The following EBF2 variants were observed in gnomAD, a reference collection of about 807,000 sequenced individuals.
The protein encoded by EBF2 is transcription factor COE2.
EBF2 carries 21 observed loss-of-function variants against 72.8 expected under a neutral mutation model. That is an observed-to-expected ratio of 0.29 (90% confidence interval 0.20 to 0.42). The LOEUF is 0.42. EBF2 is among the 10% of genes least tolerant of loss of function. The pLI, the probability that EBF2 is intolerant of heterozygous loss-of-function variation, is 1.00. For synonymous variants in EBF2, 299 were observed against 274.2 expected (o/e 1.09, Z -0.89); for missense variants, 637 against 731.2 (o/e 0.87, Z 1.49).
At chr8:25,914,194 C>T (rs1051524363) in intron 6 of EBF2, among the ~76,000 whole-genome samples, 1 of 152,188 alleles carries the variant, frequency 6.6e-6, no homozygotes, top group Non-Finnish European at 1.5e-5. Flanking sequence ...CACTCTGCTT[C>T]GTATGGTAAG....
chr8:25,992,213 G>A (rs145146622), intron 6 of EBF2, among the ~76,000 whole-genome samples: 351 of 150,548 alleles, frequency 2.3e-3, no homozygotes, highest in African/African-American at 7.7e-3. Flanking sequence ...GGTGGCAGGC[G>A]CCTGTAATGC....
chr8:25,952,111 A>C (rs1803873271), intron 6 of EBF2, among the ~76,000 whole-genome samples: 2 of 152,104 alleles, frequency 1.3e-5, no homozygotes, highest in African/African-American at 4.8e-5. Context: ...TGGGCAACAG[A>C]GTGAGACCGT....
At chr8:25,968,012 C>T (rs1006588332) in intron 6 of EBF2, among the ~76,000 whole-genome samples, 2 of 152,182 alleles carry the variant, frequency 1.3e-5, no homozygotes, top group African/African-American at 4.8e-5. Context: ...TATGCACTTA[C>T]AGTATGCAGC....
At chr8:26,005,518 A>AATATAATATATATTATAAT (rs1563206026) in intron 6 of EBF2, among the ~76,000 whole-genome samples, 5 of 10,510 alleles carry the variant, frequency 4.8e-4, no homozygotes, top group East Asian at 6.0e-3. Flanking sequence ...TATATTATAA[A>AATATAATATATATTATAAT]ATATATTATA....
At chr8:25,925,609 G>A (rs1803373044) in intron 6 of EBF2, among the ~76,000 whole-genome samples, 1 of 152,212 alleles carries the variant, frequency 6.6e-6, no homozygotes, top group Admixed American at 6.5e-5. Flanking sequence ...GTGTGTGCGT[G>A]CATGTGTGTC....
chr8:25,899,981 G>T (rs1325286483), intron 7 of EBF2, among the ~76,000 whole-genome samples: 1 of 152,106 alleles, frequency 6.6e-6, no homozygotes, highest in Non-Finnish European at 1.5e-5. Flanking sequence ...CTTTCTCACA[G>T]GCCTGGCAGA....
chr8:26,029,999 C>A (rs1222837373), intron 6 of EBF2, among the ~76,000 whole-genome samples: 64 of 152,184 alleles, frequency 4.2e-4, no homozygotes, highest in Admixed American at 4.2e-3. Context: ...GCAGCCTCCA[C>A]CTCCTGGGCC....
At chr8:25,877,243 C>A (rs2117279565) in intron 10 of EBF2, among the ~76,000 whole-genome samples, 2 of 152,344 alleles carry the variant, frequency 1.3e-5, no homozygotes, top group Middle Eastern at 6.8e-3. Context: ...CACTGTGGTT[C>A]TGTTGGGTGC....
chr8:25,961,493 G>A (rs1005168782), intron 6 of EBF2, among the ~76,000 whole-genome samples: 1 of 152,138 alleles, frequency 6.6e-6, no homozygotes, highest in African/African-American at 2.4e-5. Context: ...CTCCTGAGTA[G>A]GTGGGACTAC....
At chr8:25,977,800 C>T (rs1804293473) in intron 6 of EBF2, among the ~76,000 whole-genome samples, 1 of 152,086 alleles carries the variant, frequency 6.6e-6, no homozygotes, top group African/African-American at 2.4e-5. Flanking sequence ...TTCCTGGCTA[C>T]AGAAATATAA....
chr8:25,860,945 A>G (rs1309803962), intron 13 of EBF2, 104 bp downstream of exon 13: 9 of 1,241,934 alleles, frequency 7.2e-6, no homozygotes, highest in Non-Finnish European at 1.1e-5. Flanking sequence ...CTATCTGTGG[A>G]CACACTCTGT....
chr8:25,885,040 T>C (rs1224156834), intron 10 of EBF2, among the ~76,000 whole-genome samples: 1 of 152,186 alleles, frequency 6.6e-6, no homozygotes, highest in Non-Finnish European at 1.5e-5. Context: ...CAAAGTATAA[T>C]ACCTCATTGA....
chr8:25,870,535 G>T (rs952296187), intron 10 of EBF2, among the ~76,000 whole-genome samples: 1 of 152,162 alleles, frequency 6.6e-6, no homozygotes, highest in Non-Finnish European at 1.5e-5. Flanking sequence ...CCTTCCTGCT[G>T]CTCAGAGAGG....
intron 6 of EBF2, among the ~76,000 whole-genome samples, chr8:26,018,194 C>T (rs1030996617): frequency 6.6e-6 from 1 of 150,658 alleles, no homozygotes; most frequent in African/African-American, 2.4e-5. Context: ...AAGTTACTGA[C>T]AAGCACGCTG....
chr8:25,855,874 G>A (rs930871864), intron 14 of EBF2, among the ~76,000 whole-genome samples: 9 of 152,210 alleles, frequency 5.9e-5, no homozygotes, highest in African/African-American at 2.2e-4. Context: ...AATAGGTACA[G>A]GGAGGAGGTT....
chr8:26,025,785 C>A (rs1805294636), intron 6 of EBF2, among the ~76,000 whole-genome samples: 1 of 151,950 alleles, frequency 6.6e-6, no homozygotes, highest in Admixed American at 6.6e-5. Flanking sequence ...GGAATGAGAT[C>A]ATGAAAGAAT....
At chr8:25,943,330 A>AAAAGAAAG (rs1223677782) in intron 6 of EBF2, among the ~76,000 whole-genome samples, 452 of 144,888 alleles carry the variant, frequency 3.1e-3, no homozygotes, top group African/African-American at 0.012. Context: ...AAAAAAAAAA[A>AAAAGAAAG]AAAGAAAGAA....
intron 6 of EBF2, among the ~76,000 whole-genome samples, chr8:25,938,925 G>A (rs1803624660): frequency 6.6e-6 from 1 of 152,066 alleles, no homozygotes; most frequent in Non-Finnish European, 1.5e-5. Context: ...TTCACGTCAA[G>A]GAGTCAAGGA....
At chr8:25,876,554 C>G (rs534251853) in intron 10 of EBF2, among the ~76,000 whole-genome samples, 2 of 152,210 alleles carry the variant, frequency 1.3e-5, no homozygotes, top group African/African-American at 4.8e-5. Context: ...CTGAGACCCC[C>G]TTCATGCTCA....
Sources: gnomAD v4.1 joint callset for allele counts (sites outside exome capture counted in the v4.1 genomes callset) on GRCh38, gnomAD v4.1.1 for gene constraint, MANE v1.5 for transcripts, NCBI Gene and HGNC (gene_info 2026-07-23, HGNC 2026-07-21) for gene names.